The following TBC1D8 variants were observed in gnomAD, a reference collection of about 807,000 sequenced individuals.
TBC1D8 encodes the protein TBC1 domain family member 8, also known as BUB2-like protein 1.
Under a neutral mutation model 118.8 loss-of-function variants are expected in TBC1D8, and 65 were observed. The observed-to-expected ratio is 0.55, with a 90% CI of 0.45 to 0.67. The LOEUF (loss-of-function observed/expected upper bound fraction) is 0.67, where lower values mean the gene tolerates loss of function less well. Ranked by LOEUF, TBC1D8 falls within the 30% of genes least tolerant of loss-of-function variation. The probability of loss-of-function intolerance (pLI) is 0.00; values close to 1 mark genes in which losing one functional copy is unlikely to be tolerated. For missense variants in TBC1D8, 1,376 were observed against 1,471.2 expected (o/e 0.94, Z 1.06); for synonymous variants, 566 against 595.8 (o/e 0.95, Z 0.73).
chr2:101,024,631 T>TGGACCAGC (rs1354267767), intron 15 of TBC1D8, among the ~76,000 whole-genome samples: 1 of 152,128 alleles, frequency 6.6e-6, no homozygotes, highest in Non-Finnish European at 1.5e-5. Context: ...GGTCTCAAAC[T>TGGACCAGC]CTGGACCTCA....
chr2:101,124,849 G>A (rs1446307047), intron 1 of TBC1D8, among the ~76,000 whole-genome samples: 3 of 152,132 alleles, frequency 2.0e-5, no homozygotes, highest in South Asian at 4.1e-4. Flanking sequence ...ATCCTCTTTC[G>A]AAGCATCTGG....
Position 101,151,150 on chromosome 2 carries a change from C to A in TBC1D8, c.104G>T (p.Gly35Val). The change falls in exon 1 of 20, where the codon GGC becomes GTC. Residue 35 changes from glycine (G) to valine (V), a missense_variant. Gly to Val is a moderately radical substitution (Grantham distance 109). Coordinates refer to ENST00000409318, the MANE Select transcript of TBC1D8 (RefSeq NM_001330348.2). ...ACCGGTGAGGCGGCCGCCCCCCTCGCCGTGCCCGCGGCGCCGCTGCAGGAT... is the reference window on the plus strand; with the variant it reads ...ACCGGTGAGGCGGCCGCCCCCCTCGACGTGCCCGCGGCGCCGCTGCAGGAT... ...YFILQRRRGH[G>V]EGGGRLTGRL... The A allele has an allele frequency of 8.3e-7, 1 of 1,202,428 alleles. No homozygotes were observed. Among genetic ancestry groups the A allele is most frequent in the Non-Finnish European group, 1.1e-6 (1 of 944,430 alleles). The allele number at this position is 1,202,428 out of a possible 1,614,324, so 74.5% of individuals were successfully genotyped here.
intron 1 of TBC1D8, among the ~76,000 whole-genome samples, chr2:101,143,063 C>CTTTTTT (rs11454446): frequency 2.9e-5 from 4 of 140,000 alleles, no homozygotes; most frequent in Non-Finnish European, 1.5e-5. Flanking sequence ...CTTTCCTTTC[C>CTTTTTT]TTTTTTTTTT....
intron 3 of TBC1D8, among the ~76,000 whole-genome samples, chr2:101,055,981 T>C (rs913922021): frequency 6.6e-6 from 1 of 151,398 alleles, no homozygotes; most frequent in Non-Finnish European, 1.5e-5. Flanking sequence ...CAAGACCCCA[T>C]CTCTAAAAAT....
rs1680552965 is a variant in TBC1D8, at chr2:101,029,599, T to C, written c.2114A>G (p.Tyr705Cys). The C allele has an allele frequency of 6.2e-7, 1 of 1,613,960 alleles. No individual in the cohort carries two copies. The highest frequency in any genetic ancestry group is 8.5e-7 in the Non-Finnish European group (1 of 1,179,866). Residue 705 changes from tyrosine to cysteine, a missense_variant, in exon 12 of 20, where the codon TAT (tyrosine) becomes TGT (cysteine). Coordinates refer to ENST00000409318, the MANE Select transcript of TBC1D8 (RefSeq NM_001330348.2). ...SAVNVVDCFF[Y>C]DGIKAIFQLG... ...CTGGAAGATGGCTTTGATGCCATCATAGAAGAAGCAGTCTACCACATTCAC... is the reference window on the plus strand; with the variant it reads ...CTGGAAGATGGCTTTGATGCCATCACAGAAGAAGCAGTCTACCACATTCAC...
chr2:101,133,084 C>T (rs1025430496), intron 1 of TBC1D8, among the ~76,000 whole-genome samples: 4 of 149,220 alleles, frequency 2.7e-5, no homozygotes, highest in African/African-American at 7.4e-5. Context: ...TGCTTGAACC[C>T]GGGAGGCGGA....
chr2:101,035,010 T>C (rs113394555), intron 9 of TBC1D8, among the ~76,000 whole-genome samples: 1 of 151,388 alleles, frequency 6.6e-6, no homozygotes, highest in Non-Finnish European at 1.5e-5. Flanking sequence ...GGGCAGGAGG[T>C]TGGGGGCTGG....
At chr2:101,123,806 G>T (rs917191959) in intron 1 of TBC1D8, among the ~76,000 whole-genome samples, 1 of 152,182 alleles carries the variant, frequency 6.6e-6, no homozygotes, top group African/African-American at 2.4e-5. Context: ...CATAAAGGAA[G>T]GTCCTGCAGA....
chr2:101,016,535 A>C, intron 17 of TBC1D8, among the ~76,000 whole-genome samples: 1 of 152,152 alleles, frequency 6.6e-6, no homozygotes, highest in Non-Finnish European at 1.5e-5. Flanking sequence ...AGGGATCTAG[A>C]ACTAGAAATA....
intron 2 of TBC1D8, among the ~76,000 whole-genome samples, chr2:101,084,127 G>A (rs1675441468): frequency 6.6e-6 from 1 of 152,146 alleles, no homozygotes; most frequent in Non-Finnish European, 1.5e-5. Context: ...AGCTGATCTC[G>A]GCTCAACAGA....
chr2:101,150,294 A>G (rs903683462), intron 1 of TBC1D8, among the ~76,000 whole-genome samples: 1 of 152,164 alleles, frequency 6.6e-6, no homozygotes, highest in Admixed American at 6.5e-5. Context: ...GGAACAAGAC[A>G]GGAGATCTAA....
intron 2 of TBC1D8, among the ~76,000 whole-genome samples, chr2:101,067,431 G>C (rs979895413): frequency 1.3e-5 from 2 of 152,106 alleles, no homozygotes; most frequent in African/African-American, 2.4e-5. Flanking sequence ...AGATAGTGTG[G>C]GTTTGGTTCT....
intron 2 of TBC1D8, among the ~76,000 whole-genome samples, chr2:101,069,224 C>T (rs767243616): frequency 4.0e-5 from 6 of 151,060 alleles, no homozygotes; most frequent in Non-Finnish European, 5.9e-5. Flanking sequence ...ATCCGGAAGG[C>T]GGAGCTTGCA....
chr2:101,029,890 G>T, intron 11 of TBC1D8, 114 bp from the exon 12 acceptor site: 1 of 1,129,834 alleles, frequency 8.9e-7, no homozygotes, highest in Non-Finnish European at 1.2e-6. Flanking sequence ...TTTGAGTCCA[G>T]AAAAGCGTCC....
intron 5 of TBC1D8, among the ~76,000 whole-genome samples, chr2:101,042,563 G>A (rs1271896546): frequency 6.6e-6 from 1 of 151,994 alleles, no homozygotes; most frequent in Admixed American, 6.6e-5. Flanking sequence ...CCACAATATG[G>A]TAAAACAGAA....
chr2:101,064,748 T>C (rs1336288937), intron 2 of TBC1D8, among the ~76,000 whole-genome samples: 2 of 152,210 alleles, frequency 1.3e-5, no homozygotes, highest in East Asian at 1.9e-4. Context: ...ACCAAATCCA[T>C]GTTCTGAGAA....
chr2:101,018,066 A>G (rs1303200874), intron 17 of TBC1D8: 7 of 822,230 alleles, frequency 8.5e-6, no homozygotes, highest in South Asian at 1.9e-5. Flanking sequence ...AATGTTGACA[A>G]TCTAGGCTAA....
At chr2:101,045,221 T>A (rs1167715376) in intron 5 of TBC1D8, among the ~76,000 whole-genome samples, 1 of 152,238 alleles carries the variant, frequency 6.6e-6, no homozygotes, top group Non-Finnish European at 1.5e-5. Context: ...CTTAAAAAAA[T>A]TCAGCTTAAT....
intron 1 of TBC1D8, among the ~76,000 whole-genome samples, chr2:101,144,701 C>T (rs1275405262): frequency 6.6e-6 from 1 of 152,220 alleles, no homozygotes; most frequent in East Asian, 1.9e-4. Flanking sequence ...CTTTGGAAGG[C>T]CTAGGCGGGC....
Sources: gnomAD v4.1 joint callset for allele counts (sites outside exome capture counted in the v4.1 genomes callset) on GRCh38, gnomAD v4.1.1 for gene constraint, MANE v1.5 for transcripts, NCBI Gene and HGNC (gene_info 2026-07-23, HGNC 2026-07-21) for gene names.